HSF2BP: variants seen among roughly 807,000 people sequenced by gnomAD.
HSF2BP encodes heat shock transcription factor 2 binding protein.
HSF2BP carries 35 observed loss-of-function variants against 35.0 expected under a neutral mutation model. The observed-to-expected ratio is 1.00, with a 90% CI of 0.76 to 1.32. The LOEUF is 1.32. Among genes scored for constraint, HSF2BP ranks in the 40% most tolerant of loss-of-function variants. The pLI is 0.00. For synonymous variants in HSF2BP, 114 were observed against 117.4 expected, an observed-to-expected ratio of 0.97 and a Z score of 0.18; for missense variants, 326 against 321.7, an observed-to-expected ratio of 1.01 and a Z score of -0.10.
intron 7 of HSF2BP, among the ~76,000 whole-genome samples, chr21:43,600,452 T>C (rs2082038192): frequency 6.6e-6 from 1 of 152,178 alleles, no homozygotes; most frequent in Non-Finnish European, 1.5e-5. Context: ...AGTAATAAAA[T>C]TCTTACAAAA....
In HSF2BP at chr21:43,597,371, A is replaced by G. The variant is rs1231469955; in HGVS notation, c.693-5043T>C. 1.3e-5 allele frequency among the ~76,000 whole-genome samples: 2 copies of G among 152,226 alleles called. No homozygotes were observed. Among genetic ancestry groups the G allele is most frequent in the Non-Finnish European group, 2.9e-5 (2 of 68,038 alleles). Reference sequence around the variant, plus strand: ...GCTATCAAATAAACACTGAACTAGCACAGCCGGCTAGGATGAGGAGAGTAA... The same window carrying G: ...GCTATCAAATAAACACTGAACTAGCGCAGCCGGCTAGGATGAGGAGAGTAA... On this transcript the variant is annotated intron_variant, in intron 7 of 8. Coordinates refer to ENST00000291560, the MANE Select transcript of HSF2BP (RefSeq NM_007031.2). This position sits in a 1 kb window ranked among gnomAD's most constrained non-coding sequence, Gnocchi z 4.3.
intron 8 of HSF2BP, among the ~76,000 whole-genome samples, chr21:43,573,561 C>T (rs1601603177): frequency 6.6e-6 from 1 of 152,240 alleles, no homozygotes; most frequent in Non-Finnish European, 1.5e-5. Flanking sequence ...AAAACACCTT[C>T]GTTCATGTGA....
intron 2 of HSF2BP, among the ~76,000 whole-genome samples, chr21:43,656,976 G>A (rs769712283): frequency 2.6e-5 from 4 of 152,210 alleles, no homozygotes; most frequent in Non-Finnish European, 5.9e-5. Flanking sequence ...AACAGGCCAG[G>A]CATGGTGGCT....
At chr21:43,598,691 T>C (rs2146826427) in intron 7 of HSF2BP, among the ~76,000 whole-genome samples, 1 of 152,274 alleles carries the variant, frequency 6.6e-6, no homozygotes, top group Non-Finnish European at 1.5e-5. Context: ...ACTGACAATT[T>C]TTACATGAAT....
chr21:43,642,721 CT>C, intron 4 of HSF2BP, among the ~76,000 whole-genome samples: 1 of 152,082 alleles, frequency 6.6e-6, no homozygotes, highest in Non-Finnish European at 1.5e-5. Context: ...CAACAAAACC[CT>C]AGCGATTTCA....
intron 4 of HSF2BP, among the ~76,000 whole-genome samples, chr21:43,635,250 A>G (rs943311503): frequency 4.6e-5 from 7 of 152,206 alleles, no homozygotes; most frequent in Non-Finnish European, 1.0e-4. Flanking sequence ...CAGGATGTCA[A>G]TTCTTCCCAA....
At chr21:43,633,248 G>A (rs2147023078) in intron 5 of HSF2BP, 24 bp downstream of exon 5, 1 of 1,601,058 alleles carries the variant, frequency 6.2e-7, no homozygotes. Flanking sequence ...AACAATATCT[G>A]GAGAGCCCAC....
chr21:43,610,464 G>A (rs775294907), intron 7 of HSF2BP, among the ~76,000 whole-genome samples: 4 of 150,934 alleles, frequency 2.7e-5, no homozygotes, highest in Non-Finnish European at 5.9e-5. Context: ...AGCTGCGCAT[G>A]GTGGCGTGCA....
chr21:43,646,183 G>A (rs553915822), intron 3 of HSF2BP, among the ~76,000 whole-genome samples: 43 of 150,166 alleles, frequency 2.9e-4, no homozygotes, highest in African/African-American at 1.0e-3. Flanking sequence ...CAGAAATAGA[G>A]CAGAGTGCCT....
chr21:43,653,542 C>A (rs1424831611), intron 3 of HSF2BP, among the ~76,000 whole-genome samples: 1 of 152,180 alleles, frequency 6.6e-6, no homozygotes, highest in Non-Finnish European at 1.5e-5. Flanking sequence ...TGACTCTGAG[C>A]CGGGGCTGTG....
At chr21:43,631,502 G>C (rs1311850141) in intron 5 of HSF2BP, among the ~76,000 whole-genome samples, 1 of 152,102 alleles carries the variant, frequency 6.6e-6, no homozygotes, top group Non-Finnish European at 1.5e-5. Context: ...ATCCTGTGTA[G>C]ACGCGATGTG....
chr21:43,622,899 C>T (rs2082346908), intron 6 of HSF2BP, among the ~76,000 whole-genome samples: 2 of 152,144 alleles, frequency 1.3e-5, no homozygotes, highest in East Asian at 3.8e-4. Flanking sequence ...GGAACATTCT[C>T]CATTACAGAC....
At chr21:43,616,912 T>C (rs374611677) in intron 6 of HSF2BP, among the ~76,000 whole-genome samples, 49 of 143,506 alleles carry the variant, frequency 3.4e-4, no homozygotes, top group African/African-American at 6.7e-4. Context: ...GCCTGGGTGA[T>C]AGAGCAAGAC....
chr21:43,615,823 A>G (rs1242053686), intron 6 of HSF2BP, among the ~76,000 whole-genome samples: 1 of 152,176 alleles, frequency 6.6e-6, no homozygotes, highest in East Asian at 1.9e-4. Flanking sequence ...GCTTTTAGGT[A>G]GCTTTTCAGG....
At chr21:43,647,969 T>C (rs2082732050) in intron 3 of HSF2BP, among the ~76,000 whole-genome samples, 2 of 151,558 alleles carry the variant, frequency 1.3e-5, no homozygotes, top group African/African-American at 2.4e-5. Flanking sequence ...TCAATCTTGC[T>C]GAACTCAAAT....
chr21:43,619,108 C>G (rs1465660012), intron 6 of HSF2BP, among the ~76,000 whole-genome samples: 2 of 152,146 alleles, frequency 1.3e-5, no homozygotes, highest in African/African-American at 4.8e-5. Context: ...CCGCCACACC[C>G]AGCTAATTTC....
chr21:43,640,261 AC>A (rs1302283991), intron 4 of HSF2BP, among the ~76,000 whole-genome samples: 1 of 152,256 alleles, frequency 6.6e-6, no homozygotes, highest in African/African-American at 2.4e-5. Context: ...TGATCCTGCC[AC>A]TGCATGTCAC....
At chr21:43,467,377 G>A in the HSF2BP span, 2 of 58,636 alleles carry the variant, frequency 3.4e-5, no homozygotes, top group Non-Finnish European at 6.7e-5. Context: ...CGAGCTTTCC[G>A]GAGCTCCAGC....
chr21:43,579,398 C>G (rs970517242), intron 8 of HSF2BP, among the ~76,000 whole-genome samples: 1 of 152,162 alleles, frequency 6.6e-6, no homozygotes, highest in Non-Finnish European at 1.5e-5. Context: ...ATTTTAGTAG[C>G]CTACTTTGAT....
Sources: gnomAD v4.1 joint callset for allele counts (sites outside exome capture counted in the v4.1 genomes callset) on GRCh38, gnomAD v4.1.1 for gene constraint, Gnocchi (gnomAD v3.1) non-coding constraint, MANE v1.5 for transcripts, NCBI Gene and HGNC (gene_info 2026-07-23, HGNC 2026-07-21) for gene names.